The following CNBD2 variants were observed in gnomAD, a reference collection of about 807,000 sequenced individuals.
CNBD2 encodes cyclic nucleotide binding domain containing 2.
In CNBD2, 64 loss-of-function variants were observed where a neutral mutation model predicts 63.7. The observed-to-expected ratio is 1.00, with a 90% CI of 0.82 to 1.24. The LOEUF (loss-of-function observed/expected upper bound fraction) is 1.24, where lower values mean the gene tolerates loss of function less well. Ranked by LOEUF, CNBD2 falls within the 50% of genes most tolerant of loss-of-function variation. The probability of loss-of-function intolerance (pLI) is 0.00; values close to 1 mark genes in which losing one functional copy is unlikely to be tolerated. For missense variants in CNBD2, 691 were observed against 713.5 expected (o/e 0.97, Z 0.36); for synonymous variants, 229 against 255.4 (o/e 0.90, Z 0.99).
At chr20:35,954,913 C>A in exon 1 of CNBD2, 2 of 251,780 alleles carry the variant, frequency 7.9e-6, no homozygotes, top group Non-Finnish European at 1.7e-5. Flanking sequence ...GGCGACCATT[C>A]TCTCGGGAGG....
At chr20:36,021,106 C>G (rs1233502715) in intron 10 of CNBD2, among the ~76,000 whole-genome samples, 1 of 152,184 alleles carries the variant, frequency 6.6e-6, no homozygotes, top group East Asian at 1.9e-4. Flanking sequence ...CCAGGAGGTA[C>G]TGTGTGCCCC....
intron 1 of CNBD2, among the ~76,000 whole-genome samples, chr20:35,971,406 C>G (rs1348178530): frequency 6.6e-6 from 1 of 151,974 alleles, no homozygotes; most frequent in African/African-American, 2.4e-5. Context: ...ATCTAATGTA[C>G]AGTCATATTC....
downstream of CNBD2, among the ~76,000 whole-genome samples, chr20:35,958,309 G>A (rs778456420): frequency 4.3e-4 from 65 of 152,262 alleles, no homozygotes; most frequent in Non-Finnish European, 5.4e-4. Context: ...GCAGGTACCT[G>A]TAATCCGAGC....
intron 11 of CNBD2, among the ~76,000 whole-genome samples, chr20:36,024,456 C>T (rs2057259247): frequency 6.6e-6 from 1 of 150,442 alleles, no homozygotes; most frequent in Non-Finnish European, 1.5e-5. Flanking sequence ...TGGTGAAACC[C>T]TGCCTCTACT....
chr20:35,965,973 G>A (rs2056342083), upstream of CNBD2, among the ~76,000 whole-genome samples: 1 of 152,142 alleles, frequency 6.6e-6, no homozygotes, highest in African/African-American at 2.4e-5. Context: ...CCCCTTGTGA[G>A]CCTGGATACT....
chr20:35,975,917 T>C, intron 2 of CNBD2, 32 bp from the exon 3 acceptor site: 1 of 1,602,552 alleles, frequency 6.2e-7, no homozygotes, highest in South Asian at 1.1e-5. Context: ...TCTTGCTGAT[T>C]CTCCCTCTTC....
chr20:36,026,336 AC>A (rs1319927782), intron 11 of CNBD2, among the ~76,000 whole-genome samples: 1 of 151,494 alleles, frequency 6.6e-6, no homozygotes, highest in Non-Finnish European at 1.5e-5. Flanking sequence ...CCTGGCCTCC[AC>A]CCCCACTTCG....
intron 1 of CNBD2, among the ~76,000 whole-genome samples, chr20:35,969,706 G>A (rs1346789204): frequency 1.3e-5 from 2 of 152,002 alleles, no homozygotes; most frequent in South Asian, 2.1e-4. Context: ...TGATCCCTTC[G>A]ATCCCTACTA....
At chr20:35,954,864 G>T (rs1341608087) in exon 1 of CNBD2, 1 of 304,612 alleles carries the variant, frequency 3.3e-6, no homozygotes, top group Non-Finnish European at 6.8e-6. Flanking sequence ...TCGTTCGAGT[G>T]GCGCCCGGCC....
intron 8 of CNBD2, among the ~76,000 whole-genome samples, chr20:36,008,042 C>T (rs2057007525): frequency 6.6e-6 from 1 of 152,188 alleles, no homozygotes. Flanking sequence ...GAGCTCTCTG[C>T]TGTTCATCTT....
intron 2 of CNBD2, 152 bp from the exon 3 acceptor site, chr20:35,975,797 G>A (rs2056508392): frequency 3.4e-6 from 2 of 595,406 alleles, no homozygotes; most frequent in South Asian, 2.2e-5. Context: ...GGGCCTTCGA[G>A]CAGAGGCAGG....
rs2057329710 is a variant in CNBD2, at chr20:36,030,374, A to G, written c.1457A>G (p.Gln486Arg). ...IAFPSDEDMCQKFLQQNSWNI... is the reference protein window; with the variant it reads ...IAFPSDEDMCRKFLQQNSWNI... ...CCCTTTAGTGATGAAGATATGTGCC[A>G]GAAGTTCCTCCAGCAGAACAGCTGG... Residue 486 changes from glutamine to arginine, a missense_variant, in exon 12 of 12, where the codon CAG becomes CGG. Transcript: ENST00000373973. The G allele has an allele frequency of 6.2e-7, 1 of 1,614,182 alleles. No individual in the cohort carries two copies. Among genetic ancestry groups the G allele is most frequent in the Non-Finnish European group, 8.5e-7 (1 of 1,180,032 alleles).
At chr20:36,010,962 C>T (rs952963696) in intron 9 of CNBD2, among the ~76,000 whole-genome samples, 175 bp from the exon 10 acceptor site, 3 of 152,162 alleles carry the variant, frequency 2.0e-5, no homozygotes, top group African/African-American at 7.2e-5. Context: ...TCGCACCCTC[C>T]AATTCCTGAC....
rs1431988245 is a variant in CNBD2, at chr20:35,975,344, A to G, written c.190-605A>G. Among the ~76,000 whole-genome samples, 14 of 113,364 alleles carry G rather than the reference A, an allele frequency of 1.2e-4. 2 individuals are homozygous for G. The highest frequency in any genetic ancestry group is 2.0e-4 in the Non-Finnish European group (11 of 54,044). The allele number at this position is 113,364 out of a possible 152,430, so 74.4% of individuals were successfully genotyped here. Reference sequence around the variant, plus strand: ...GAGATGGAGTCTTGCTCTGTTGCCCAGGCTGGAGTGCAGTGGCGCGATCTC... The same window carrying G: ...GAGATGGAGTCTTGCTCTGTTGCCCGGGCTGGAGTGCAGTGGCGCGATCTC... On this transcript the variant is annotated intron_variant, in intron 2 of 11. Transcript: ENST00000373973.
At chr20:35,973,208 C>T (rs1655071505) in intron 2 of CNBD2, 1 of 191,242 alleles carries the variant, frequency 5.2e-6, no homozygotes, top group African/African-American at 2.3e-5. Flanking sequence ...ATACACCTCC[C>T]TCCATGTGGA....
At chr20:35,996,508 GTT>G (rs1275063891) in intron 8 of CNBD2, among the ~76,000 whole-genome samples, 6 of 132,150 alleles carry the variant, frequency 4.5e-5, no homozygotes, top group Admixed American at 1.5e-4. Flanking sequence ...CTCTCTTTTT[GTT>G]TTTTTTTTTT....
In CNBD2 at chr20:35,995,121, A is replaced by G. The variant is rs1284035467; in HGVS notation, c.939A>G (p.Ile313Met). 1 of 1,614,026 alleles carries G rather than the reference A, an allele frequency of 6.2e-7. No homozygotes were observed. Among genetic ancestry groups the G allele is most frequent in the South Asian group, 1.1e-5 (1 of 91,084 alleles). ...RRWIWQHLELIDGRPLKTHLS... is the reference protein window; with the variant it reads ...RRWIWQHLELMDGRPLKTHLS... The stretch of plus-strand genomic sequence containing the variant: ...GGATCTGGCAGCACCTGGAGCTGAT[A>G]GATGGCAGACCTCTGAAGACCCACC... Residue 313 changes from isoleucine to methionine, a missense_variant, in exon 8 of 12, where the codon ATA becomes ATG. Transcript: ENST00000373973.
chr20:35,996,682 T>G (rs925235443), intron 8 of CNBD2, among the ~76,000 whole-genome samples: 4 of 151,986 alleles, frequency 2.6e-5, no homozygotes, highest in African/African-American at 9.7e-5. Context: ...CAATTTTTGT[T>G]TTTTTAGTAC....
chr20:35,974,403 A>G (rs371811235), intron 2 of CNBD2: 1 of 153,914 alleles, frequency 6.5e-6, no homozygotes, highest in Non-Finnish European at 1.5e-5. Context: ...GGCCTGATGC[A>G]TGGGGCAGTT....
Sources: gnomAD v4.1 joint callset for allele counts (sites outside exome capture counted in the v4.1 genomes callset) on GRCh38, gnomAD v4.1.1 for gene constraint, MANE v1.5 for transcripts, NCBI Gene and HGNC (gene_info 2026-07-23, HGNC 2026-07-21) for gene names.